The following ENPP6 variants were observed in gnomAD, a reference collection of about 807,000 sequenced individuals.
The protein encoded by ENPP6 is ectonucleotide pyrophosphatase/phosphodiesterase 6.
ENPP6 carries 32 observed loss-of-function variants against 42.0 expected under a neutral mutation model. The observed-to-expected ratio is 0.76, with a 90% CI of 0.58 to 1.02. The LOEUF is 1.02. ENPP6 is among the 50% of genes least tolerant of loss of function. ENPP6 has a pLI of 0.00. For synonymous variants in ENPP6, 213 were observed against 216.0 expected, an observed-to-expected ratio of 0.99 and a Z score of 0.12; for missense variants, 552 against 566.8, an observed-to-expected ratio of 0.97 and a Z score of 0.27.
At chr4:184,208,591 G>A (rs1349908921) in intron 1 of ENPP6, among the ~76,000 whole-genome samples, 10 of 151,552 alleles carry the variant, frequency 6.6e-5, no homozygotes, top group Non-Finnish European at 1.0e-4. Flanking sequence ...AGGGTCCTAC[G>A]CCCACGGAGT....
intron 7 of ENPP6, among the ~76,000 whole-genome samples, chr4:184,093,893 A>C (rs1735852662): frequency 6.6e-6 from 1 of 152,106 alleles, no homozygotes; most frequent in Non-Finnish European, 1.5e-5. Flanking sequence ...TGATAATTCT[A>C]CTGCCACATG....
chr4:184,106,040 GTTT>G (rs10563321), intron 6 of ENPP6, among the ~76,000 whole-genome samples: 37 of 141,478 alleles, frequency 2.6e-4, no homozygotes, highest in Admixed American at 4.2e-4. Context: ...ATACCAAGTT[GTTT>G]TTTTTTTTTT....
intron 2 of ENPP6, among the ~76,000 whole-genome samples, chr4:184,145,473 A>T (rs1316152919): frequency 3.3e-5 from 5 of 152,236 alleles, no homozygotes; most frequent in African/African-American, 9.6e-5. Flanking sequence ...AGGAGACGTG[A>T]TGAAGCCCGA....
Position 184,217,799 on chromosome 4 carries a change from G to A in ENPP6, c.21C>T (p.Thr7=), listed in dbSNP as rs1366088066. The A allele has an allele frequency of 5.6e-6, 9 of 1,613,524 alleles. No individual in the cohort carries two copies. Among genetic ancestry groups the A allele is most frequent in the Non-Finnish European group, 7.6e-6 (9 of 1,179,974 alleles). MAVKLG[T]LLLALALGLA... is the part of the protein sequence containing the mutation. ...GGCCCAGGGCAAGGGCCAGCAGGAG[G>A]GTCCCAAGCTTCACTGCCATGCTGC... is the stretch of plus-strand genomic sequence containing the variant. The change falls in exon 1 of 8, where the codon ACC becomes ACT. Residue 7 remains threonine (T), a synonymous_variant. Coordinates refer to ENST00000296741, the MANE Select transcript of ENPP6 (RefSeq NM_153343.4).
At chr4:184,098,690 C>A (rs1286834616) in intron 6 of ENPP6, among the ~76,000 whole-genome samples, 1 of 152,198 alleles carries the variant, frequency 6.6e-6, no homozygotes, top group Non-Finnish European at 1.5e-5. Context: ...TCTTAGACTA[C>A]AGCTGATCAC....
At chr4:184,147,880 C>A (rs867956186) in intron 2 of ENPP6, among the ~76,000 whole-genome samples, 1 of 152,060 alleles carries the variant, frequency 6.6e-6, no homozygotes, top group Non-Finnish European at 1.5e-5. Context: ...CCACACCACA[C>A]CTCTCCTCCC....
chr4:184,097,326 G>T lies in ENPP6; in HGVS notation c.1036C>A (p.Arg346=), dbSNP rs774718991. The T allele has an allele frequency of 6.2e-7, 1 of 1,614,142 alleles. No individual in the cohort carries two copies. The highest frequency in any genetic ancestry group is 1.3e-5 in the African/African-American group (1 of 75,024). The change falls in exon 7 of 8, where the codon CGG becomes AGG. Residue 346 remains arginine, a synonymous_variant. Transcript: ENST00000296741. ...LPFWMNSTGR[R]EGWQRGWHGY... ...TGCCATCCACGCTGCCAACCTTCCC[G>T]CCTGCCGGTGCTGTTCATCCAAAAC...
chr4:184,142,670 A>T (rs985177601), intron 2 of ENPP6, among the ~76,000 whole-genome samples: 2 of 152,230 alleles, frequency 1.3e-5, no homozygotes, highest in African/African-American at 4.8e-5. Flanking sequence ...TGACTCTGAA[A>T]ACTCAACTGA....
chr4:184,166,294 T>C (rs1442728446), intron 1 of ENPP6, among the ~76,000 whole-genome samples: 1 of 152,174 alleles, frequency 6.6e-6, no homozygotes, highest in Non-Finnish European at 1.5e-5. Context: ...TTGATTATAG[T>C]GTGAAGTGTA....
At chr4:184,190,117 C>T (rs1022758863) in intron 1 of ENPP6, among the ~76,000 whole-genome samples, 3 of 152,148 alleles carry the variant, frequency 2.0e-5, no homozygotes, top group Non-Finnish European at 2.9e-5. Flanking sequence ...CTCAGGGAAC[C>T]GCCGTCTCTG....
At chr4:184,196,079 T>A (rs1732790501) in intron 1 of ENPP6, among the ~76,000 whole-genome samples, 1 of 152,228 alleles carries the variant, frequency 6.6e-6, no homozygotes, top group Non-Finnish European at 1.5e-5. Flanking sequence ...ACAGTCATCA[T>A]CCCAAAGCCC....
At chr4:184,132,596 TCTTATCTA>T (rs1269156811) in intron 2 of ENPP6, among the ~76,000 whole-genome samples, 1 of 152,024 alleles carries the variant, frequency 6.6e-6, no homozygotes, top group Non-Finnish European at 1.5e-5. Flanking sequence ...GAAATATTCT[TCTTATCTA>T]AAGTCATGAA....
rs532130968 is a variant in ENPP6 at position 184,179,313 on chromosome 4, C to T, written c.242-25580G>A. Among the ~76,000 whole-genome samples the T allele has an allele frequency of 1.8e-4, 27 of 152,240 alleles. 1 individual carries two copies. The highest frequency in any genetic ancestry group is 8.3e-4 in the South Asian group (4 of 4,816). ...TATAATGGTAAAGGTCTCAATTCAACGAGAAGAGCTAGCTATCCTAAATAT... is the reference window on the plus strand; with the variant it reads ...TATAATGGTAAAGGTCTCAATTCAATGAGAAGAGCTAGCTATCCTAAATAT... On this transcript the variant is annotated intron_variant, in intron 1 of 7. Transcript: ENST00000296741.
At chr4:184,142,799 T>C (rs1736845191) in intron 2 of ENPP6, among the ~76,000 whole-genome samples, 1 of 152,212 alleles carries the variant, frequency 6.6e-6, no homozygotes, top group Non-Finnish European at 1.5e-5. Flanking sequence ...CAGCCAGGCA[T>C]AATGAGGCCA....
At chr4:184,150,641 G>A (rs1737008989) in intron 2 of ENPP6, among the ~76,000 whole-genome samples, 1 of 152,216 alleles carries the variant, frequency 6.6e-6, no homozygotes, top group Admixed American at 6.5e-5. Flanking sequence ...AGGGTGCCAG[G>A]GCACACCTTG....
At chr4:184,146,023 CTTT>C (rs70959175) in intron 2 of ENPP6, among the ~76,000 whole-genome samples, 2 of 142,000 alleles carry the variant, frequency 1.4e-5, no homozygotes, top group African/African-American at 2.6e-5. Context: ...TTTTCTTTTT[CTTT>C]TTTTTTTTTT....
chr4:184,153,132 C>CT lies in ENPP6; in HGVS notation c.421+421dup, dbSNP rs774978449. Among the ~76,000 whole-genome samples the CT allele has an allele frequency of 2.9e-4, 43 of 147,994 alleles. 1 individual carries two copies. The highest frequency in any genetic ancestry group is 5.1e-4 in the Non-Finnish European group (34 of 67,274). On this transcript the variant is annotated intron_variant, in intron 2 of 7. Transcript: ENST00000296741. ...CATAAGACATATTTCTTTTCTTTTT[C>CT]TTTTTTTTTCAAGATTGAGTTTTGC...
chr4:184,158,455 CA>C (rs1171403259), intron 1 of ENPP6, among the ~76,000 whole-genome samples: 3 of 152,072 alleles, frequency 2.0e-5, no homozygotes, highest in Non-Finnish European at 4.4e-5. Context: ...AAATGTTTGT[CA>C]AAATATTGAA....
chr4:184,195,585 C>T (rs566979012), intron 1 of ENPP6, among the ~76,000 whole-genome samples: 14 of 152,296 alleles, frequency 9.2e-5, no homozygotes, highest in African/African-American at 2.6e-4. Context: ...TTAAAACTAA[C>T]TCCCATTCCC....
Sources: gnomAD v4.1 joint callset for allele counts (sites outside exome capture counted in the v4.1 genomes callset) on GRCh38, gnomAD v4.1.1 for gene constraint, MANE v1.5 for transcripts, NCBI Gene and HGNC (gene_info 2026-07-23, HGNC 2026-07-21) for gene names.